Variants in TENM3 observed in about 807,000 individuals in gnomAD.
TENM3 encodes the protein teneurin transmembrane protein 3.
A neutral mutation model predicts 255.1 loss-of-function variants in TENM3; 63 were observed. The observed-to-expected ratio is 0.25, with a 90% CI of 0.20 to 0.30. The LOEUF is 0.30. TENM3 is among the 10% of genes least tolerant of loss of function. The pLI, the probability that TENM3 is intolerant of heterozygous loss-of-function variation, is 1.00. For missense variants in TENM3, 2,929 were observed against 3,461.1 expected (o/e 0.85, Z 3.86); for synonymous variants, 1,306 against 1,322.3 (o/e 0.99, Z 0.27).
chr4:181,721,086 G>A, the TENM3 span, among the ~76,000 whole-genome samples: 4 of 151,264 alleles, frequency 2.6e-5, no homozygotes, highest in East Asian at 2.0e-4. Context: ...CTGATGAATA[G>A]CATTCAGATA....
At chr4:182,278,976 G>C (rs1052409057) in intron 1 of TENM3, among the ~76,000 whole-genome samples, 1 of 152,204 alleles carries the variant, frequency 6.6e-6, no homozygotes, top group Non-Finnish European at 1.5e-5. Flanking sequence ...TGGAGGCTGC[G>C]CTTGAAGACA....
At chr4:182,766,973 T>G (rs537774382) in intron 22 of TENM3, among the ~76,000 whole-genome samples, 1 of 152,292 alleles carries the variant, frequency 6.6e-6, no homozygotes, top group East Asian at 1.9e-4. Flanking sequence ...TTCTTTTGTC[T>G]TCCTTCTTTT....
intron 1 of TENM3, among the ~76,000 whole-genome samples, chr4:182,197,168 T>A (rs1753880865): frequency 6.6e-6 from 1 of 152,252 alleles, no homozygotes; most frequent in Non-Finnish European, 1.5e-5. Flanking sequence ...ATTTTTGTTG[T>A]CTACAAGCTT....
At chr4:182,152,774 A>C (rs1282689866) in intron 1 of TENM3, among the ~76,000 whole-genome samples, 2 of 151,810 alleles carry the variant, frequency 1.3e-5, no homozygotes, top group African/African-American at 4.8e-5. Flanking sequence ...TTGTGATATA[A>C]TTTTCTATAT....
the TENM3 span, among the ~76,000 whole-genome samples, chr4:181,941,494 G>T: frequency 6.6e-6 from 1 of 152,126 alleles, no homozygotes; most frequent in Non-Finnish European, 1.5e-5. Context: ...TCACTTATAA[G>T]GTTCTATTTG....
chr4:181,681,839 G>A, the TENM3 span, among the ~76,000 whole-genome samples: 1 of 151,894 alleles, frequency 6.6e-6, no homozygotes, highest in Non-Finnish European at 1.5e-5. Flanking sequence ...TTTGAAATAT[G>A]GCAATATTGT....
chr4:182,322,718 GAGAC>G (rs903111382), intron 1 of TENM3, among the ~76,000 whole-genome samples: 2 of 152,144 alleles, frequency 1.3e-5, no homozygotes, highest in African/African-American at 4.8e-5. Context: ...GTCAGAGACA[GAGAC>G]AGACAGAGAC....
chr4:182,539,496 A>G (rs1024969995), intron 3 of TENM3, among the ~76,000 whole-genome samples: 2 of 152,146 alleles, frequency 1.3e-5, no homozygotes, highest in Non-Finnish European at 2.9e-5. Context: ...TGGTATCTGT[A>G]TGTTCAGGGA....
chr4:182,609,795 T>C (rs1233181759), intron 4 of TENM3, among the ~76,000 whole-genome samples: 3 of 150,894 alleles, frequency 2.0e-5, no homozygotes, highest in Non-Finnish European at 4.5e-5. Flanking sequence ...TAAAATGGGA[T>C]TGTAATACTT....
At chr4:182,605,026 T>C (rs1159983130) in intron 4 of TENM3, among the ~76,000 whole-genome samples, 1 of 152,232 alleles carries the variant, frequency 6.6e-6, no homozygotes. Context: ...TTTTATCTTC[T>C]TTAAAATGGT....
chr4:181,730,929 G>A, the TENM3 span, among the ~76,000 whole-genome samples: 1 of 152,246 alleles, frequency 6.6e-6, no homozygotes, highest in East Asian at 1.9e-4. Context: ...CTTAACAACA[G>A]TTTTCAGTAT....
At chr4:182,329,378 C>T (rs146304132) in intron 2 of TENM3, among the ~76,000 whole-genome samples, 2 of 152,298 alleles carry the variant, frequency 1.3e-5, no homozygotes, top group Admixed American at 1.3e-4. Context: ...GTTTCCTTGG[C>T]CCCTCAGGAG....
the TENM3 span, among the ~76,000 whole-genome samples, chr4:182,136,140 A>G: frequency 6.6e-6 from 1 of 152,294 alleles, no homozygotes; most frequent in East Asian, 1.9e-4. Context: ...TAGTTTTGGA[A>G]AGCTGGTATG....
At chr4:181,456,134 TGTGTGTGTGTGTAG>T in the TENM3 span, among the ~76,000 whole-genome samples, 1 of 145,554 alleles carries the variant, frequency 6.9e-6, no homozygotes, top group Non-Finnish European at 1.5e-5. Context: ...TATATGTGTG[TGTGTGTGTGTGTAG>T]GTGTGTGTGT....
the TENM3 span, among the ~76,000 whole-genome samples, chr4:181,477,015 G>A: frequency 6.6e-6 from 1 of 152,274 alleles, no homozygotes; most frequent in African/African-American, 2.4e-5. Flanking sequence ...GAAGAAAATT[G>A]TGCTCTTAGA....
chr4:181,614,401 C>T, the TENM3 span, among the ~76,000 whole-genome samples: 1 of 152,126 alleles, frequency 6.6e-6, no homozygotes, highest in Non-Finnish European at 1.5e-5. Flanking sequence ...TTTAAATCAC[C>T]AGACACAACC....
chr4:181,963,506 G>A, the TENM3 span, among the ~76,000 whole-genome samples: 1 of 152,098 alleles, frequency 6.6e-6, no homozygotes, highest in Non-Finnish European at 1.5e-5. Context: ...CATTCTAGAA[G>A]GGATATAGAT....
the TENM3 span, among the ~76,000 whole-genome samples, chr4:181,678,291 T>G: frequency 6.6e-6 from 1 of 152,032 alleles, no homozygotes; most frequent in East Asian, 1.9e-4. Context: ...GAAGACTTGC[T>G]TTAGGAATCA....
At chr4:182,517,804 A>G (rs1182453350) in intron 3 of TENM3, among the ~76,000 whole-genome samples, 2 of 152,224 alleles carry the variant, frequency 1.3e-5, no homozygotes, top group African/African-American at 4.8e-5. Flanking sequence ...TTCATCTTCA[A>G]TTATTTCAAA....
Sources: allele counts gnomAD v4.1 joint callset (sites outside exome capture counted in the v4.1 genomes callset), GRCh38; gene constraint gnomAD v4.1.1; transcripts MANE v1.5; gene names NCBI Gene and HGNC (gene_info 2026-07-23, HGNC 2026-07-21).